The following FBXL5 variants were observed in gnomAD, a reference collection of about 807,000 sequenced individuals.
The protein encoded by FBXL5 is F-box/LRR-repeat protein 5.
FBXL5 carries 26 observed loss-of-function variants against 78.3 expected under a neutral mutation model. That is an observed-to-expected ratio of 0.33 (90% CI 0.24 to 0.46). The LOEUF (loss-of-function observed/expected upper bound fraction) is 0.46, where lower values mean the gene tolerates loss of function less well. FBXL5 is among the 20% of genes least tolerant of loss of function. The probability of loss-of-function intolerance (pLI) is 1.00; values close to 1 mark genes in which losing one functional copy is unlikely to be tolerated. For missense variants in FBXL5, 710 were observed against 829.2 expected, an observed-to-expected ratio of 0.86 and a Z score of 1.77; for synonymous variants, 295 against 282.5, an observed-to-expected ratio of 1.04 and a Z score of -0.45.
chr4:15,675,772 G>A (rs1424765574), intron 1 of FBXL5, among the ~76,000 whole-genome samples: 1 of 151,786 alleles, frequency 6.6e-6, no homozygotes, highest in Non-Finnish European at 1.5e-5. Context: ...TAGTAGAAAT[G>A]GGGTTTCACC....
chr4:15,624,528 T>C (rs920229987), intron 9 of FBXL5, among the ~76,000 whole-genome samples: 9 of 151,504 alleles, frequency 5.9e-5, no homozygotes, highest in African/African-American at 1.9e-4. Flanking sequence ...ATATAGAACC[T>C]AGCTGCTGAA....
chr4:15,641,650 T>C (rs966040301), intron 2 of FBXL5: 3 of 455,106 alleles, frequency 6.6e-6, no homozygotes, highest in African/African-American at 6.0e-5. Context: ...TTTTGAGAGA[T>C]TCAAAAGTTA....
At chr4:15,649,555 G>T (rs1272567985) in intron 1 of FBXL5, among the ~76,000 whole-genome samples, 6 of 141,884 alleles carry the variant, frequency 4.2e-5, no homozygotes, top group African/African-American at 1.6e-4. Flanking sequence ...ACTCCAGCCT[G>T]GAGACAGGGC....
At chr4:15,646,025 T>C (rs948998192) in intron 1 of FBXL5, among the ~76,000 whole-genome samples, 32 of 152,308 alleles carry the variant, frequency 2.1e-4, no homozygotes, top group African/African-American at 7.0e-4. Context: ...TTAACTGCAA[T>C]ACATAAGTAA....
chr4:15,668,039 C>T (rs1012727498), intron 1 of FBXL5, among the ~76,000 whole-genome samples: 5 of 125,668 alleles, frequency 4.0e-5, no homozygotes, highest in African/African-American at 1.5e-4. Flanking sequence ...AAAACTCTAT[C>T]TCTAAAAAAA....
intron 9 of FBXL5, among the ~76,000 whole-genome samples, chr4:15,624,716 A>G (rs1712841190): frequency 6.6e-6 from 1 of 152,202 alleles, no homozygotes; most frequent in East Asian, 1.9e-4. Flanking sequence ...TAAAAAAGCA[A>G]CAGAAGGTAA....
chr4:15,673,834 G>C (rs1052414524), intron 1 of FBXL5, among the ~76,000 whole-genome samples: 32 of 152,268 alleles, frequency 2.1e-4, no homozygotes, highest in African/African-American at 7.0e-4. Flanking sequence ...CCACTAGGCT[G>C]CATATGTTCC....
At chr4:15,623,636 T>A (rs1276166091) in intron 9 of FBXL5, among the ~76,000 whole-genome samples, 2 of 152,156 alleles carry the variant, frequency 1.3e-5, no homozygotes, top group Admixed American at 1.3e-4. Context: ...GTAATAAAAA[T>A]TTTTTAAAGA....
chr4:15,637,685 T>C (rs1714431217), intron 4 of FBXL5, among the ~76,000 whole-genome samples: 1 of 152,182 alleles, frequency 6.6e-6, no homozygotes, highest in Non-Finnish European at 1.5e-5. Flanking sequence ...ACAAGCTACA[T>C]TTCATAGTAA....
chr4:15,652,966 T>C (rs1716298175), intron 1 of FBXL5, among the ~76,000 whole-genome samples: 1 of 152,184 alleles, frequency 6.6e-6, no homozygotes, highest in South Asian at 2.1e-4. Context: ...ACAAACAAGG[T>C]ACTCTTCCTT....
intron 1 of FBXL5, among the ~76,000 whole-genome samples, chr4:15,678,966 A>G (rs934589217): frequency 5.3e-5 from 8 of 151,900 alleles, no homozygotes; most frequent in African/African-American, 1.7e-4. Flanking sequence ...GAAATAAAAA[A>G]CAAACCCTTC....
intron 1 of FBXL5, among the ~76,000 whole-genome samples, chr4:15,678,904 C>T (rs2148833143): frequency 6.6e-6 from 1 of 152,154 alleles, no homozygotes; most frequent in Admixed American, 6.5e-5. Context: ...ATCATCATAG[C>T]TTAATTGATA....
chr4:15,661,710 C>G (rs1461062684), upstream of FBXL5, among the ~76,000 whole-genome samples: 2 of 152,014 alleles, frequency 1.3e-5, no homozygotes, highest in East Asian at 3.8e-4. Context: ...GCTTAAGCAC[C>G]CTTTAAAACT....
chr4:15,673,136 A>C (rs1717834147), intron 1 of FBXL5, among the ~76,000 whole-genome samples: 1 of 152,148 alleles, frequency 6.6e-6, no homozygotes, highest in African/African-American at 2.4e-5. Context: ...ATAGGTAGAA[A>C]AAGTATACTC....
chr4:15,676,637 A>C (rs1718004867), intron 1 of FBXL5, among the ~76,000 whole-genome samples: 1 of 152,036 alleles, frequency 6.6e-6, no homozygotes, highest in African/African-American at 2.4e-5. Flanking sequence ...CATTTCCTTC[A>C]CAATAATTCT....
chr4:15,652,327 T>G (rs1372268570), intron 1 of FBXL5, among the ~76,000 whole-genome samples: 1 of 152,224 alleles, frequency 6.6e-6, no homozygotes, highest in Non-Finnish European at 1.5e-5. Context: ...ATCCTAACAA[T>G]GACTTGGGTT....
chr4:15,615,955 C>T (rs894196897), intron 9 of FBXL5, among the ~76,000 whole-genome samples: 1 of 152,150 alleles, frequency 6.6e-6, no homozygotes, highest in Non-Finnish European at 1.5e-5. Flanking sequence ...TCTTTGGGTC[C>T]ACGCTGCTTT....
intron 9 of FBXL5, among the ~76,000 whole-genome samples, chr4:15,619,529 T>A (rs753853426): frequency 2.4e-4 from 37 of 152,180 alleles, no homozygotes; most frequent in Non-Finnish European, 3.7e-4. Flanking sequence ...GCCATATACA[T>A]GAAAAACTCA....
chr4:15,664,550 CTTTTTTTTTTTTT>C (rs35319145), upstream of FBXL5, among the ~76,000 whole-genome samples: 2 of 75,522 alleles, frequency 2.6e-5, no homozygotes, highest in Non-Finnish European at 4.7e-5. Context: ...GGCCCTCATC[CTTTTTTTTTTTTT>C]TTTTTTTTTT....
Sources: allele counts gnomAD v4.1 joint callset (sites outside exome capture counted in the v4.1 genomes callset), GRCh38; gene constraint gnomAD v4.1.1; transcripts MANE v1.5; gene names NCBI Gene and HGNC (gene_info 2026-07-23, HGNC 2026-07-21).